Variants in RGS7 observed in about 807,000 individuals in gnomAD.
RGS7 encodes regulator of G-protein signaling 7.
In RGS7, 27 loss-of-function variants were observed where a neutral mutation model predicts 81.1. The observed-to-expected ratio is 0.33, with a 90% confidence interval of 0.25 to 0.46. The LOEUF (loss-of-function observed/expected upper bound fraction) is 0.46. Ranked by LOEUF, RGS7 falls within the 20% of genes least tolerant of loss-of-function variation. The pLI, the probability that RGS7 is intolerant of heterozygous loss-of-function variation, is 1.00. For synonymous variants in RGS7, 208 were observed against 207.7 expected (o/e 1.00, Z -0.01); for missense variants, 396 against 607.4 (o/e 0.65, Z 3.66).
At chr1:241,227,215 G>A (rs898388688) in intron 2 of RGS7, among the ~76,000 whole-genome samples, 1 of 152,172 alleles carries the variant, frequency 6.6e-6, no homozygotes, top group Admixed American at 6.5e-5. Flanking sequence ...GTTGTAGGGG[G>A]CTGTAGGATC....
intron 6 of RGS7, among the ~76,000 whole-genome samples, chr1:240,880,289 G>A (rs919939446): frequency 5.9e-5 from 9 of 152,202 alleles, no homozygotes; most frequent in South Asian, 2.1e-4. Context: ...CAGTTCTCCC[G>A]CTCTGGCCTC....
chr1:241,353,728 A>G (rs1200973301), intron 2 of RGS7, among the ~76,000 whole-genome samples: 1 of 152,122 alleles, frequency 6.6e-6, no homozygotes, highest in Non-Finnish European at 1.5e-5. Flanking sequence ...CAACAAAATA[A>G]TCATGCTTTA....
chr1:241,178,798 C>G (rs1384532161), intron 2 of RGS7, among the ~76,000 whole-genome samples: 1 of 152,156 alleles, frequency 6.6e-6, no homozygotes, highest in Non-Finnish European at 1.5e-5. Flanking sequence ...AGTTTATTTA[C>G]TCAAGATGTG....
At chr1:241,089,331 C>A (rs561469612) in intron 3 of RGS7, among the ~76,000 whole-genome samples, 46 of 150,656 alleles carry the variant, frequency 3.1e-4, no homozygotes, top group South Asian at 2.9e-3. Context: ...AGAGGATCAG[C>A]ACACCACCAA....
intron 3 of RGS7, among the ~76,000 whole-genome samples, chr1:241,036,754 G>A (rs2060350359): frequency 1.3e-5 from 2 of 152,158 alleles, no homozygotes; most frequent in African/African-American, 4.8e-5. Context: ...GGATGCATAG[G>A]CTGCATATGC....
At chr1:241,052,070 C>T (rs2061280594) in intron 3 of RGS7, among the ~76,000 whole-genome samples, 2 of 152,144 alleles carry the variant, frequency 1.3e-5, no homozygotes, top group African/African-American at 2.4e-5. Context: ...ATGTTATATA[C>T]AGCAGACATG....
intron 2 of RGS7, among the ~76,000 whole-genome samples, chr1:241,152,462 CA>C: frequency 6.6e-6 from 1 of 152,208 alleles, no homozygotes; most frequent in Non-Finnish European, 1.5e-5. Context: ...GGAGCTTCAT[CA>C]ATAGCAATTG....
intron 18 of RGS7, among the ~76,000 whole-genome samples, chr1:240,782,755 G>A (rs1423874132): frequency 6.6e-6 from 1 of 152,042 alleles, no homozygotes; most frequent in Non-Finnish European, 1.5e-5. Flanking sequence ...AAGTTTTAAA[G>A]TCTTAATTCC....
chr1:241,307,411 G>A (rs528839433), intron 2 of RGS7, among the ~76,000 whole-genome samples: 1 of 152,236 alleles, frequency 6.6e-6, no homozygotes, highest in East Asian at 1.9e-4. Context: ...GCTTTTTTGA[G>A]TGCATCAATT....
At chr1:241,070,202 C>G (rs4451538) in intron 3 of RGS7, among the ~76,000 whole-genome samples, 27,607 of 151,868 alleles carry the variant, frequency 0.18, 2,834 homozygotes, top group Non-Finnish European at 0.23. Flanking sequence ...CCAGGAGCAG[C>G]AGAGCTGGTT....
chr1:241,290,744 A>G (rs552951350), intron 2 of RGS7, among the ~76,000 whole-genome samples: 1 of 152,320 alleles, frequency 6.6e-6, no homozygotes, highest in East Asian at 1.9e-4. Flanking sequence ...GTAAGTTTGG[A>G]CAAATTACCA....
chr1:241,161,878 T>C (rs1431635122), intron 2 of RGS7, among the ~76,000 whole-genome samples: 1 of 151,922 alleles, frequency 6.6e-6, no homozygotes, highest in African/African-American at 2.4e-5. Flanking sequence ...CTACCACGCC[T>C]GGCTAATTTT....
At position 240,868,937 on chromosome 1, in the gene RGS7, G is replaced by A; in HGVS notation, c.451-85C>T. 1 of 1,212,638 alleles carries A rather than the reference G, an allele frequency of 8.2e-7. No individual in the cohort carries two copies. Among genetic ancestry groups the A allele is most frequent in the Non-Finnish European group, 1.2e-6 (1 of 814,936 alleles). 75.1% of individuals were successfully genotyped at this position (1,212,638 alleles called of 1,614,324 possible). A position where few individuals can be genotyped will look rare whatever the true frequency, so the allele number is the denominator to read the frequency against. ...TTAGTTACCACTTGTATTTGTCAAGGAAACAAATAGAGAGTTTCTAAAGCC... is the reference window on the plus strand; with the variant it reads ...TTAGTTACCACTTGTATTTGTCAAGAAAACAAATAGAGAGTTTCTAAAGCC... On this transcript the variant is annotated intron_variant, in intron 7 of 18. Transcript: ENST00000440928. The surrounding 1 kb of genome is among the most constrained non-coding windows in gnomAD (Gnocchi z 5.1).
intron 2 of RGS7, among the ~76,000 whole-genome samples, chr1:241,151,719 A>G (rs1346444882): frequency 6.6e-6 from 1 of 152,140 alleles, no homozygotes; most frequent in Non-Finnish European, 1.5e-5. Flanking sequence ...GTTACACCTA[A>G]TGAGGTGACT....
intron 3 of RGS7, among the ~76,000 whole-genome samples, chr1:241,053,295 T>C (rs183451822): frequency 4.0e-4 from 61 of 152,308 alleles, no homozygotes; most frequent in Admixed American, 1.0e-3. Flanking sequence ...ACACCCATGC[T>C]GTAGGGCAAG....
intron 3 of RGS7, among the ~76,000 whole-genome samples, chr1:241,004,885 C>T (rs149974935): frequency 1.4e-3 from 216 of 152,286 alleles, no homozygotes; most frequent in African/African-American, 4.9e-3. Flanking sequence ...TGACCCGCCT[C>T]GGGCCAGAGG....
intron 16 of RGS7, among the ~76,000 whole-genome samples, chr1:240,801,884 GACA>G (rs902778562): frequency 2.4e-4 from 37 of 152,174 alleles, no homozygotes; most frequent in African/African-American, 8.9e-4. Context: ...AATTCCTATT[GACA>G]ACATCATTAA....
chr1:240,965,071 A>G (rs983657449), intron 4 of RGS7, among the ~76,000 whole-genome samples: 2 of 152,214 alleles, frequency 1.3e-5, no homozygotes, highest in Non-Finnish European at 2.9e-5. Flanking sequence ...AGTTGAAAAG[A>G]TTATTGCATT....
At chr1:241,027,037 A>T (rs898385664) in intron 3 of RGS7, among the ~76,000 whole-genome samples, 7 of 55,204 alleles carry the variant, frequency 1.3e-4, no homozygotes, top group Admixed American at 3.9e-4. Context: ...ACCAGAAATT[A>T]AAAAAAAAAA....
Sources: allele counts gnomAD v4.1 joint callset (sites outside exome capture counted in the v4.1 genomes callset), GRCh38; gene constraint gnomAD v4.1.1; non-coding constraint Gnocchi (gnomAD v3.1); transcripts MANE v1.5; gene names NCBI Gene and HGNC (gene_info 2026-07-23, HGNC 2026-07-21).